Variants in NRG3 observed in about 807,000 individuals in gnomAD.
NRG3 encodes the protein neuregulin 3.
In NRG3, 31 loss-of-function variants were observed where a neutral mutation model predicts 66.9. That is an observed-to-expected ratio of 0.46 (90% CI 0.35 to 0.63). NRG3 has a LOEUF of 0.63. Ranked by LOEUF, NRG3 falls within the 20% of genes least tolerant of loss-of-function variation. The pLI is 0.00. For missense variants in NRG3, 910 were observed against 878.9 expected (o/e 1.04, Z -0.45); for synonymous variants, 393 against 359.4 (o/e 1.09, Z -1.06).
intron 1 of NRG3, among the ~76,000 whole-genome samples, chr10:82,169,836 A>G (rs934305564): frequency 6.7e-6 from 1 of 150,064 alleles, no homozygotes; most frequent in South Asian, 2.1e-4. Context: ...GAGTCTATTG[A>G]TTTTTCTTTA....
rs1389586308 is a variant in NRG3 at position 82,629,676 on chromosome 10, G to C, written c.954-108901G>C. On this transcript the variant is annotated intron_variant, in intron 2 of 8. Transcript: ENST00000372141. ...CCTTGAGCAACCCCTGGGTAGGGAGGTTACACAGAGCTTTCACATACAGAT... is the reference window on the plus strand; with the variant it reads ...CCTTGAGCAACCCCTGGGTAGGGAGCTTACACAGAGCTTTCACATACAGAT... Among the ~76,000 whole-genome samples the C allele has an allele frequency of 2.6e-5, 4 of 152,132 alleles. No individual in the cohort carries two copies. The East Asian group carries it at 5.8e-4, about 22-fold the overall frequency.
chr10:82,020,804 T>G (rs1337026985), intron 1 of NRG3, among the ~76,000 whole-genome samples: 1 of 152,160 alleles, frequency 6.6e-6, no homozygotes, highest in Non-Finnish European at 1.5e-5. Context: ...CTCAGTTTAC[T>G]TATTATAAAT....
chr10:82,761,922 C>CCCTTTCTT (rs778602380), intron 3 of NRG3, among the ~76,000 whole-genome samples: 2 of 123,852 alleles, frequency 1.6e-5, no homozygotes, highest in East Asian at 4.9e-4. Context: ...TTCTTTCTTT[C>CCCTTTCTT]TCTTTCTTTC....
At chr10:82,553,125 A>T (rs760605096) in intron 2 of NRG3, among the ~76,000 whole-genome samples, 8 of 152,126 alleles carry the variant, frequency 5.3e-5, no homozygotes, top group Non-Finnish European at 1.0e-4. Flanking sequence ...GAATGTTGCA[A>T]TTCTAAAGAT....
At chr10:81,922,021 C>T (rs1344869618) in intron 1 of NRG3, among the ~76,000 whole-genome samples, 1 of 152,056 alleles carries the variant, frequency 6.6e-6, no homozygotes, top group African/African-American at 2.4e-5. Context: ...TGCATTTTAT[C>T]CTTGTCTCAT....
chr10:82,448,663 A>C (rs2090867060), intron 2 of NRG3, among the ~76,000 whole-genome samples: 2 of 152,146 alleles, frequency 1.3e-5, no homozygotes, highest in South Asian at 4.1e-4. Context: ...TCACCTCCAT[A>C]TCACCAAGGA....
intron 2 of NRG3, among the ~76,000 whole-genome samples, chr10:82,363,380 T>A (rs1194277266): frequency 6.6e-6 from 1 of 152,176 alleles, no homozygotes; most frequent in African/African-American, 2.4e-5. Flanking sequence ...CTTGAGGGAG[T>A]GCACTTTGTT....
At chr10:81,878,718 G>A (rs544525402) in intron 1 of NRG3, among the ~76,000 whole-genome samples, 1 of 152,098 alleles carries the variant, frequency 6.6e-6, no homozygotes, top group South Asian at 2.1e-4. Context: ...TGAAAGTAAT[G>A]GATTCTGTTG....
In NRG3 at chr10:82,348,473, T is replaced by G. The variant is rs1203717524; in HGVS notation, c.824-10266T>G. Among the ~76,000 whole-genome samples the G allele has an allele frequency of 2.9e-4, 44 of 150,798 alleles. No homozygotes were observed. The East Asian group carries it at 7.9e-3, about 27-fold the overall frequency. On this transcript the variant is annotated intron_variant, in intron 1 of 8. Transcript: ENST00000372141. Reference sequence around the variant, plus strand: ...GATGGGCTTCCCTTTGAGGGTAACCTGACCTTTCTCTCTGGCTGCTCTTAA... The same window carrying G: ...GATGGGCTTCCCTTTGAGGGTAACCGGACCTTTCTCTCTGGCTGCTCTTAA...
intron 1 of NRG3, among the ~76,000 whole-genome samples, chr10:81,946,744 T>C (rs973904238): frequency 6.6e-6 from 1 of 152,218 alleles, no homozygotes; most frequent in South Asian, 2.1e-4. Context: ...CTGTCCATCA[T>C]GGGCGTGAAT....
At chr10:82,584,476 T>C (rs377107613) in intron 2 of NRG3, among the ~76,000 whole-genome samples, 1 of 152,208 alleles carries the variant, frequency 6.6e-6, no homozygotes, top group Non-Finnish European at 1.5e-5. Context: ...TAAATTCTTA[T>C]CTAGGCAATA....
chr10:82,454,668 C>T (rs904873356), intron 2 of NRG3, among the ~76,000 whole-genome samples: 1 of 152,054 alleles, frequency 6.6e-6, no homozygotes, highest in African/African-American at 2.4e-5. Flanking sequence ...TTCAGATGGA[C>T]CAAACATTTA....
chr10:82,266,449 C>G (rs554930949), intron 1 of NRG3, among the ~76,000 whole-genome samples: 10 of 152,118 alleles, frequency 6.6e-5, no homozygotes, highest in Non-Finnish European at 1.5e-4. Context: ...GTACTGAAGG[C>G]TGGGGAAGAC....
At chr10:82,257,281 A>C (rs58458340) in intron 1 of NRG3, among the ~76,000 whole-genome samples, 2,608 of 152,176 alleles carry the variant, frequency 0.017, 80 homozygotes, top group African/African-American at 0.059. Context: ...GGGAAAAAAA[A>C]CTTTTCTTCC....
intron 4 of NRG3, among the ~76,000 whole-genome samples, chr10:82,880,331 G>T (rs992830401): frequency 6.6e-6 from 1 of 152,078 alleles, no homozygotes; most frequent in Non-Finnish European, 1.5e-5. Context: ...TCCATATTTA[G>T]AGTGCGCACG....
intron 1 of NRG3, 56 bp downstream of exon 1, chr10:81,876,219 C>G (rs776356282): frequency 6.6e-7 from 1 of 1,510,304 alleles, no homozygotes; most frequent in South Asian, 1.3e-5. Flanking sequence ...CTTCTGCCCT[C>G]CTGCTGTCTT....
chr10:82,931,667 T>C (rs1847591223), intron 4 of NRG3, among the ~76,000 whole-genome samples: 1 of 152,214 alleles, frequency 6.6e-6, no homozygotes, highest in Non-Finnish European at 1.5e-5. Context: ...AGGTTATTGT[T>C]AGGGCTTTTT....
chr10:82,037,648 G>A (rs1188545175), intron 1 of NRG3, among the ~76,000 whole-genome samples: 2 of 152,072 alleles, frequency 1.3e-5, no homozygotes, highest in Non-Finnish European at 2.9e-5. Context: ...CACAGTACTA[G>A]AAGACATCAC....
At chr10:82,339,626 TTCTC>T (rs1306565129) in intron 1 of NRG3, among the ~76,000 whole-genome samples, 3 of 152,142 alleles carry the variant, frequency 2.0e-5, no homozygotes, top group Non-Finnish European at 2.9e-5. Flanking sequence ...TTCAGTAACT[TTCTC>T]TCTGTTTAAA....
Sources: allele counts gnomAD v4.1 joint callset (sites outside exome capture counted in the v4.1 genomes callset), GRCh38; gene constraint gnomAD v4.1.1; transcripts MANE v1.5; gene names NCBI Gene and HGNC (gene_info 2026-07-23, HGNC 2026-07-21).